Variants in RAD51B observed in about 807,000 individuals in gnomAD.
The protein encoded by RAD51B is DNA repair protein RAD51 homolog 2.
A neutral mutation model predicts 42.2 loss-of-function variants in RAD51B; 38 were observed. The ratio of observed to expected loss-of-function variants is 0.90; its 90% confidence interval spans 0.70 to 1.18. RAD51B has a LOEUF of 1.18. RAD51B is among the 50% of genes most tolerant of loss of function. The pLI is 0.00. For missense variants in RAD51B, 373 were observed against 400.7 expected (o/e 0.93, Z 0.59); for synonymous variants, 154 against 145.2 (o/e 1.06, Z -0.43).
chr14:68,351,013 C>A (rs868867827), intron 8 of RAD51B, among the ~76,000 whole-genome samples: 1 of 152,180 alleles, frequency 6.6e-6, no homozygotes, highest in Non-Finnish European at 1.5e-5. Flanking sequence ...TCAGTAGCTC[C>A]ACTGAATTCA....
intron 9 of RAD51B, among the ~76,000 whole-genome samples, chr14:68,459,535 C>T (rs2085789933): frequency 1.3e-5 from 2 of 152,214 alleles, no homozygotes; most frequent in Non-Finnish European, 2.9e-5. Flanking sequence ...TCCCTAATTT[C>T]TCGACAGGAC....
At chr14:68,221,968 GCAA>G (rs2079938007) in intron 7 of RAD51B, among the ~76,000 whole-genome samples, 1 of 152,194 alleles carries the variant, frequency 6.6e-6, no homozygotes, top group African/African-American at 2.4e-5. Flanking sequence ...TCAGGGAAAT[GCAA>G]ATCAAAACCA....
chr14:68,090,920 C>T (rs2077085374), intron 7 of RAD51B, among the ~76,000 whole-genome samples: 2 of 136,372 alleles, frequency 1.5e-5, no homozygotes, highest in South Asian at 2.3e-4. Context: ...TCTCATTGTT[C>T]AATTCCCACC....
At chr14:67,997,129 G>T (rs1433148258) in intron 7 of RAD51B, among the ~76,000 whole-genome samples, 1 of 152,074 alleles carries the variant, frequency 6.6e-6, no homozygotes, top group African/African-American at 2.4e-5. Context: ...TTATTGAGTA[G>T]GAAGTCAGAT....
At chr14:68,139,947 A>T (rs2078092888) in intron 7 of RAD51B, among the ~76,000 whole-genome samples, 1 of 152,096 alleles carries the variant, frequency 6.6e-6, no homozygotes, top group Non-Finnish European at 1.5e-5. Context: ...GTGACCCTTG[A>T]AGCAGCCACA....
intron 10 of RAD51B, among the ~76,000 whole-genome samples, chr14:68,511,166 A>T (rs1469557857): frequency 2.6e-5 from 4 of 152,188 alleles, no homozygotes; most frequent in Non-Finnish European, 5.9e-5. Context: ...CACCTCTAGG[A>T]GTGGAAGAAA....
chr14:68,354,891 G>A (rs542676515), intron 8 of RAD51B, among the ~76,000 whole-genome samples: 32 of 152,198 alleles, frequency 2.1e-4, no homozygotes, highest in African/African-American at 7.2e-4. Context: ...TTCAAGCTCT[G>A]AGGTCTGAAA....
chr14:68,061,278 A>G (rs1438897707), intron 7 of RAD51B, among the ~76,000 whole-genome samples: 1 of 151,970 alleles, frequency 6.6e-6, no homozygotes, highest in Non-Finnish European at 1.5e-5. Context: ...TATGTTGGCC[A>G]GGCTGGTCTC....
intron 7 of RAD51B, among the ~76,000 whole-genome samples, chr14:68,275,152 C>T (rs936086738): frequency 6.6e-6 from 1 of 152,196 alleles, no homozygotes; most frequent in Non-Finnish European, 1.5e-5. Flanking sequence ...TTCTGCAGTT[C>T]TGTCCTGTGC....
At chr14:68,292,516 C>T (rs1052163046) in intron 8 of RAD51B, among the ~76,000 whole-genome samples, 5 of 152,294 alleles carry the variant, frequency 3.3e-5, no homozygotes, top group African/African-American at 1.2e-4. Context: ...ATAAGCTTTA[C>T]GTAGCTGGGG....
Position 68,677,410 on chromosome 14 carries a change from C to T in RAD51B, c.*11+26554C>T, listed in dbSNP as rs148078929. Among the ~76,000 whole-genome samples the T allele has an allele frequency of 1.7e-3, 255 of 152,288 alleles. 1 individual carries two copies. Among genetic ancestry groups the T allele is most frequent in the African/African-American group, 5.7e-3 (238 of 41,556 alleles). On this transcript the variant is annotated intron_variant, in intron 11 of 11. Coordinates refer to the RAD51B transcript ENST00000488612. ...TGGACATAACATTTTCATACGTGCTCCCTCCAGTATGTAGTGTCTCTTCTC... is the reference window on the plus strand; with the variant it reads ...TGGACATAACATTTTCATACGTGCTTCCTCCAGTATGTAGTGTCTCTTCTC...
intron 9 of RAD51B, among the ~76,000 whole-genome samples, chr14:68,466,719 C>T (rs148207878): frequency 1.9e-4 from 29 of 152,354 alleles, no homozygotes; most frequent in Non-Finnish European, 3.4e-4. Flanking sequence ...TTTGTACTCA[C>T]ATTCTGCTAG....
chr14:68,423,535 G>T (rs901022228), intron 9 of RAD51B, among the ~76,000 whole-genome samples: 1 of 152,094 alleles, frequency 6.6e-6, no homozygotes, highest in African/African-American at 2.4e-5. Context: ...AAATCACATG[G>T]TTCTAAGGGG....
intron 8 of RAD51B, among the ~76,000 whole-genome samples, chr14:68,341,493 A>G (rs556182709): frequency 5.6e-4 from 84 of 150,310 alleles, no homozygotes; most frequent in Non-Finnish European, 1.1e-3. Context: ...TGATAAATAC[A>G]AGTGACAGAT....
chr14:68,303,099 A>C (rs2081779900), intron 8 of RAD51B, among the ~76,000 whole-genome samples: 1 of 152,200 alleles, frequency 6.6e-6, no homozygotes, highest in African/African-American at 2.4e-5. Context: ...GGGAAGTATA[A>C]AGAAAATGTG....
intron 7 of RAD51B, among the ~76,000 whole-genome samples, chr14:68,090,584 T>A (rs2140515871): frequency 6.6e-6 from 1 of 152,190 alleles, no homozygotes; most frequent in South Asian, 2.1e-4. Flanking sequence ...TGGTTTGTAC[T>A]TCAGGTTTGC....
intron 5 of RAD51B, among the ~76,000 whole-genome samples, chr14:67,872,736 CAG>C (rs1430378313): frequency 1.3e-5 from 2 of 150,864 alleles, no homozygotes; most frequent in African/African-American, 4.9e-5. Flanking sequence ...GGTACCAAAA[CAG>C]AGATATAGAT....
intron 10 of RAD51B, among the ~76,000 whole-genome samples, chr14:68,558,599 G>C (rs1888981756): frequency 6.6e-6 from 1 of 152,130 alleles, no homozygotes; most frequent in Non-Finnish European, 1.5e-5. Context: ...CGTCACTGCT[G>C]TCATCTTCAC....
intron 8 of RAD51B, among the ~76,000 whole-genome samples, chr14:68,377,280 G>T (rs1432742025): frequency 6.6e-6 from 1 of 152,160 alleles, no homozygotes; most frequent in Non-Finnish European, 1.5e-5. Flanking sequence ...GAGCGAAGGG[G>T]TTTGTTGTAA....
Sources: allele counts gnomAD v4.1 joint callset (sites outside exome capture counted in the v4.1 genomes callset), GRCh38; gene constraint gnomAD v4.1.1; transcripts MANE v1.5; gene names NCBI Gene and HGNC (gene_info 2026-07-23, HGNC 2026-07-21).